The following HOMER2 variants were observed in gnomAD, a reference collection of about 807,000 sequenced individuals.
The protein encoded by HOMER2 is homer protein homolog 2.
Under a neutral mutation model 47.0 loss-of-function variants are expected in HOMER2, and 27 were observed. The observed-to-expected ratio is 0.57, with a 90% CI of 0.42 to 0.79. The LOEUF is 0.79. Among genes scored for constraint, HOMER2 ranks in the 30% least tolerant of loss-of-function variants. The pLI is 0.00. For missense variants in HOMER2, 443 were observed against 435.0 expected, an observed-to-expected ratio of 1.02 and a Z score of -0.16; for synonymous variants, 161 against 163.8, an observed-to-expected ratio of 0.98 and a Z score of 0.13.
At chr15:82,953,838 G>A (rs2054556044), upstream of HOMER2, among the ~76,000 whole-genome samples, 1 of 151,934 alleles carries the variant, frequency 6.6e-6, no homozygotes, top group African/African-American at 2.4e-5. Context: ...AGCCGAGATC[G>A]CACCACTGCA....
intron 2 of HOMER2, among the ~76,000 whole-genome samples, chr15:82,877,364 T>G (rs2052385701): frequency 6.6e-6 from 1 of 152,142 alleles, no homozygotes; most frequent in Non-Finnish European, 1.5e-5. Context: ...GAGAAGGGGC[T>G]TCATCATGTT....
At chr15:82,868,543 T>TATATATATATATATATA (rs1567023464) in intron 3 of HOMER2, among the ~76,000 whole-genome samples, 59 of 36,792 alleles carry the variant, frequency 1.6e-3, no homozygotes, top group East Asian at 5.1e-3. Flanking sequence ...ATATATATAT[T>TATATATATATATATATA]TTTTTTTTTT....
chr15:82,943,880 C>T (rs750033978), intron 1 of HOMER2, among the ~76,000 whole-genome samples: 9 of 152,198 alleles, frequency 5.9e-5, no homozygotes, highest in Non-Finnish European at 8.8e-5. Flanking sequence ...CTGGGAGCCA[C>T]TTGTGTACTC....
chr15:82,984,035 ATTT>A (rs1314984974), intron 1 of HOMER2, among the ~76,000 whole-genome samples: 10 of 145,632 alleles, frequency 6.9e-5, no homozygotes, highest in African/African-American at 2.5e-4. Flanking sequence ...TATTATTATT[ATTT>A]TTTTTTTTTT....
chr15:82,900,963 G>A (rs988117177), intron 1 of HOMER2, among the ~76,000 whole-genome samples: 1 of 152,176 alleles, frequency 6.6e-6, no homozygotes, highest in African/African-American at 2.4e-5. Context: ...TTACACCAGG[G>A]AATGGATGAG....
At chr15:82,969,462 T>C (rs867909766) in intron 1 of HOMER2, among the ~76,000 whole-genome samples, 9 of 152,324 alleles carry the variant, frequency 5.9e-5, no homozygotes, top group Non-Finnish European at 1.0e-4. Flanking sequence ...ACATCACTTC[T>C]GTTCATAAGT....
upstream of HOMER2, among the ~76,000 whole-genome samples, chr15:82,955,878 T>C (rs1323775803): frequency 9.2e-5 from 14 of 152,008 alleles, no homozygotes; most frequent in Admixed American, 9.2e-4. Flanking sequence ...CTACGATCTG[T>C]GTGAATAGGA....
chr15:82,892,274 T>TAA (rs763794744), intron 2 of HOMER2, among the ~76,000 whole-genome samples: 1 of 152,158 alleles, frequency 6.6e-6, no homozygotes, highest in Non-Finnish European at 1.5e-5. Flanking sequence ...TCAAGAGCCA[T>TAA]AAAGTGTTAA....
At chr15:82,900,020 C>T (rs1437032141) in intron 1 of HOMER2, among the ~76,000 whole-genome samples, 2 of 151,536 alleles carry the variant, frequency 1.3e-5, no homozygotes, top group Non-Finnish European at 2.9e-5. Context: ...GGTGAGACTC[C>T]ATCTCAAAAT....
At chr15:82,879,368 C>A (rs140008841) in intron 2 of HOMER2, among the ~76,000 whole-genome samples, 2 of 152,290 alleles carry the variant, frequency 1.3e-5, no homozygotes, top group Non-Finnish European at 2.9e-5. Flanking sequence ...TGGTGCTGTG[C>A]ACCTATAGTC....
At chr15:82,985,635 G>C (rs1373768874) in intron 1 of HOMER2, 1 of 152,172 alleles carries the variant, frequency 6.6e-6, no homozygotes, top group Non-Finnish European at 1.5e-5. Flanking sequence ...AAGCTTTGTC[G>C]GGATATTAAG....
At chr15:82,957,858 G>C (rs1441729549), downstream of HOMER2, among the ~76,000 whole-genome samples, 1 of 152,110 alleles carries the variant, frequency 6.6e-6, no homozygotes, top group Non-Finnish European at 1.5e-5. Context: ...ATTTATTTAA[G>C]ACGGAGTCTC....
chr15:82,894,292 C>G (rs902535972), intron 1 of HOMER2, among the ~76,000 whole-genome samples: 2 of 151,938 alleles, frequency 1.3e-5, no homozygotes. Flanking sequence ...ATCTACTTCC[C>G]AAAGTAATGC....
downstream of HOMER2, among the ~76,000 whole-genome samples, chr15:82,957,940 C>T (rs538513568): frequency 1.7e-4 from 26 of 152,272 alleles, no homozygotes; most frequent in African/African-American, 3.9e-4. Flanking sequence ...CGGGTTCAAG[C>T]GATTCTTCTG....
exon 2 of HOMER2, chr15:82,840,400 A>ATAC (rs1249789661): frequency 6.6e-6 from 1 of 152,252 alleles, no homozygotes; most frequent in Non-Finnish European, 1.5e-5. Flanking sequence ...AGGAAGCAGA[A>ATAC]TACTACAACT....
chr15:82,983,701 T>G (rs1220898741), intron 1 of HOMER2, among the ~76,000 whole-genome samples: 3 of 151,912 alleles, frequency 2.0e-5, no homozygotes, highest in Admixed American at 6.6e-5. Flanking sequence ...CAATCCTCCC[T>G]GCCTCAGCTT....
At chr15:82,896,830 C>G (rs2052938262) in intron 1 of HOMER2, among the ~76,000 whole-genome samples, 1 of 152,120 alleles carries the variant, frequency 6.6e-6, no homozygotes, top group Non-Finnish European at 1.5e-5. Flanking sequence ...CTTCTACAAT[C>G]CAAAAAGTCT....
chr15:82,891,689 G>C (rs942711483), intron 2 of HOMER2, among the ~76,000 whole-genome samples: 1 of 152,182 alleles, frequency 6.6e-6, no homozygotes, highest in African/African-American at 2.4e-5. Context: ...ACTGCAGGTA[G>C]GAGATGAGGC....
chr15:82,949,987 AGG>A (rs1008068700), intron 1 of HOMER2, among the ~76,000 whole-genome samples: 3 of 152,116 alleles, frequency 2.0e-5, no homozygotes, highest in Non-Finnish European at 4.4e-5. Flanking sequence ...GGGAGGAGGA[AGG>A]GATGGAATGG....
Sources: gnomAD v4.1 joint callset for allele counts (sites outside exome capture counted in the v4.1 genomes callset) on GRCh38, gnomAD v4.1.1 for gene constraint, MANE v1.5 for transcripts, NCBI Gene and HGNC (gene_info 2026-07-23, HGNC 2026-07-21) for gene names.